ELMO1: variants seen among roughly 807,000 people sequenced by gnomAD.
ELMO1 encodes engulfment and cell motility 1, also known as engulfment and cell motility protein 1.
A neutral mutation model predicts 98.9 loss-of-function variants in ELMO1; 26 were observed. The ratio of observed to expected loss-of-function variants is 0.26; its 90% confidence interval spans 0.19 to 0.36. ELMO1 has a LOEUF of 0.36. Among genes scored for constraint, ELMO1 ranks in the 10% least tolerant of loss-of-function variants. ELMO1 has a pLI of 1.00. For synonymous variants in ELMO1, 346 were observed against 346.0 expected, an observed-to-expected ratio of 1.00 and a Z score of 0.00; for missense variants, 627 against 935.2, an observed-to-expected ratio of 0.67 and a Z score of 4.30.
intron 13 of ELMO1, chr7:37,197,168 G>C (rs939953629): frequency 6.6e-6 from 1 of 152,232 alleles, no homozygotes; most frequent in African/African-American, 2.4e-5. Flanking sequence ...AAAGTTTGTA[G>C]GTTTGCAGAG....
At chr7:37,323,561 G>T (rs1799632510) in intron 2 of ELMO1, among the ~76,000 whole-genome samples, 1 of 152,092 alleles carries the variant, frequency 6.6e-6, no homozygotes, top group South Asian at 2.1e-4. Flanking sequence ...GGTGTGGCAG[G>T]CGCCTGTAAT....
intron 1 of ELMO1, among the ~76,000 whole-genome samples, chr7:37,418,578 T>C (rs1210479888): frequency 1.3e-5 from 2 of 151,888 alleles, no homozygotes; most frequent in Non-Finnish European, 2.9e-5. Context: ...GCTTCAGTAG[T>C]GGGAAGGGAC....
At chr7:37,134,271 A>G (rs570328309) in intron 13 of ELMO1, among the ~76,000 whole-genome samples, 6 of 152,212 alleles carry the variant, frequency 3.9e-5, no homozygotes, top group Admixed American at 1.3e-4. Context: ...GGCTATCTAC[A>G]CAAAGGAAAA....
intron 16 of ELMO1, among the ~76,000 whole-genome samples, chr7:36,902,374 C>A (rs1314082629): frequency 1.3e-5 from 2 of 152,230 alleles, no homozygotes; most frequent in Admixed American, 1.3e-4. Context: ...GAGCTCTAAG[C>A]TCCTGTGAGC....
At chr7:37,139,289 T>C (rs900824999) in intron 13 of ELMO1, among the ~76,000 whole-genome samples, 1 of 152,210 alleles carries the variant, frequency 6.6e-6, no homozygotes, top group Non-Finnish European at 1.5e-5. Context: ...TTGTCACTGT[T>C]TGCTGATGAT....
chr7:36,911,930 C>T (rs887775510), intron 16 of ELMO1, among the ~76,000 whole-genome samples: 1 of 152,174 alleles, frequency 6.6e-6, no homozygotes. Context: ...AGGCTCCAGG[C>T]CCAGCTGAGA....
intron 2 of ELMO1, among the ~76,000 whole-genome samples, chr7:37,332,939 G>A (rs140823290): frequency 4.1e-4 from 62 of 152,250 alleles, no homozygotes; most frequent in African/African-American, 1.3e-3. Flanking sequence ...CAGCAGTGGC[G>A]GCTAGGACGG....
At chr7:37,077,817 C>G (rs541674619) in intron 15 of ELMO1, among the ~76,000 whole-genome samples, 1 of 152,210 alleles carries the variant, frequency 6.6e-6, no homozygotes, top group South Asian at 2.1e-4. Flanking sequence ...TTGCAGGAGC[C>G]AGGCCTTCCA....
At chr7:37,095,505 G>A (rs1297851162) in intron 15 of ELMO1, among the ~76,000 whole-genome samples, 1 of 152,214 alleles carries the variant, frequency 6.6e-6, no homozygotes. Context: ...AGGTTACACT[G>A]CTACTGTTCT....
At chr7:37,305,881 C>A (rs1002844468) in intron 4 of ELMO1, among the ~76,000 whole-genome samples, 1 of 152,200 alleles carries the variant, frequency 6.6e-6, no homozygotes, top group Admixed American at 6.5e-5. Flanking sequence ...AACGATAAAG[C>A]GATGTAGGTC....
At chr7:37,359,399 G>C (rs1801613528) in intron 1 of ELMO1, among the ~76,000 whole-genome samples, 1 of 152,202 alleles carries the variant, frequency 6.6e-6, no homozygotes, top group Admixed American at 6.5e-5. Flanking sequence ...TTACTCATCT[G>C]TAAAATGGAG....
At chr7:37,236,526 A>G (rs1794473314) in intron 7 of ELMO1, among the ~76,000 whole-genome samples, 1 of 152,240 alleles carries the variant, frequency 6.6e-6, no homozygotes, top group African/African-American at 2.4e-5. Flanking sequence ...AATATATAAT[A>G]GGACCTATTT....
At chr7:37,306,894 G>A (rs2131054431) in intron 4 of ELMO1, among the ~76,000 whole-genome samples, 1 of 152,086 alleles carries the variant, frequency 6.6e-6, no homozygotes, top group South Asian at 2.1e-4. Flanking sequence ...GTTTTTTAAG[G>A]TACACAGAAT....
intron 6 of ELMO1, among the ~76,000 whole-genome samples, chr7:37,252,809 G>A (rs192541393): frequency 1.4e-3 from 211 of 151,826 alleles, no homozygotes; most frequent in Non-Finnish European, 2.4e-3. Flanking sequence ...CAGAATGGGA[G>A]AAAAATTTTG....
intron 15 of ELMO1, among the ~76,000 whole-genome samples, chr7:37,044,613 T>G (rs1795701165): frequency 6.6e-6 from 1 of 152,154 alleles, no homozygotes; most frequent in Non-Finnish European, 1.5e-5. Flanking sequence ...CCCCCTCCTA[T>G]TCTTAATGTC....
intron 13 of ELMO1, among the ~76,000 whole-genome samples, chr7:37,183,566 G>C (rs999147578): frequency 1.3e-5 from 2 of 151,902 alleles, no homozygotes; most frequent in Admixed American, 6.6e-5. Context: ...AGAAGAGAGA[G>C]AGAGAAATAG....
chr7:37,084,386 C>T (rs529249263), intron 15 of ELMO1, among the ~76,000 whole-genome samples: 1 of 152,284 alleles, frequency 6.6e-6, no homozygotes, highest in East Asian at 1.9e-4. Context: ...TAAATGCAGA[C>T]TACATGTAAA....
At chr7:37,092,915 CTTTTTT>C (rs79327023) in intron 15 of ELMO1, among the ~76,000 whole-genome samples, 11 of 137,042 alleles carry the variant, frequency 8.0e-5, no homozygotes, top group South Asian at 2.4e-4. Flanking sequence ...CTTTCTTTTT[CTTTTTT>C]TTTTTTTTTG....
intron 16 of ELMO1, among the ~76,000 whole-genome samples, chr7:36,999,098 G>A (rs906394863): frequency 3.3e-5 from 5 of 152,026 alleles, no homozygotes; most frequent in African/African-American, 9.7e-5. Flanking sequence ...GGCCATCCCC[G>A]GGGCCACAGC....
Sources: gnomAD v4.1 joint callset for allele counts (sites outside exome capture counted in the v4.1 genomes callset) on GRCh38, gnomAD v4.1.1 for gene constraint, MANE v1.5 for transcripts, NCBI Gene and HGNC (gene_info 2026-07-23, HGNC 2026-07-21) for gene names.